RNF152: variants seen among roughly 807,000 people sequenced by gnomAD.
RNF152 encodes E3 ubiquitin-protein ligase RNF152.
In RNF152, 11 loss-of-function variants were observed where a neutral mutation model predicts 12.7. That is an observed-to-expected ratio of 0.86 (90% confidence interval 0.54 to 1.43). The LOEUF (loss-of-function observed/expected upper bound fraction) is 1.43, where lower values mean the gene tolerates loss of function less well. Ranked by LOEUF, RNF152 falls within the 40% of genes most tolerant of loss-of-function variation. RNF152 has a pLI of 0.00. For synonymous variants in RNF152, 113 were observed against 120.3 expected (o/e 0.94, Z 0.40); for missense variants, 255 against 274.8 (o/e 0.93, Z 0.51).
chr18:61,816,855 T>A (rs964254652), intron 1 of RNF152, among the ~76,000 whole-genome samples: 5 of 152,224 alleles, frequency 3.3e-5, no homozygotes, highest in African/African-American at 1.2e-4. Flanking sequence ...AGACGATGCA[T>A]CTGTATTTCA....
In RNF152 at chr18:61,816,173, A is replaced by T; in HGVS notation, c.291T>A (p.Asn97Lys). ...TGGGCAGGGGCAGCATGTAGCACCC[A>T]TTGCTGGGAAGTTTGATGAAGACCG... is the stretch of plus-strand genomic sequence containing the variant. ...HTPVFIKLPS[N>K]GCYMLPLPIS... The change falls in exon 2 of 2, where the codon AAT becomes AAA. Residue 97 changes from asparagine (N) to lysine (K), a missense_variant. Coordinates refer to ENST00000312828, the MANE Select transcript of RNF152 (RefSeq NM_173557.3). The T allele has an allele frequency of 6.2e-7, 1 of 1,614,186 alleles. No homozygotes were observed. The highest frequency in any genetic ancestry group is 8.5e-7 in the Non-Finnish European group (1 of 1,180,036).
At chr18:61,855,407 C>T (rs1911177367) in intron 1 of RNF152, among the ~76,000 whole-genome samples, 1 of 152,268 alleles carries the variant, frequency 6.6e-6, no homozygotes, top group African/African-American at 2.4e-5. Context: ...GGGGGAGGCG[C>T]AGCCAGGACT....
chr18:61,839,054 CAAA>C (rs35125130), intron 1 of RNF152, among the ~76,000 whole-genome samples: 58 of 127,750 alleles, frequency 4.5e-4, no homozygotes, highest in Admixed American at 1.0e-3. Flanking sequence ...ACTCTGTGGC[CAAA>C]AAAAAAAAAA....
intron 1 of RNF152, among the ~76,000 whole-genome samples, chr18:61,839,355 C>T (rs146054252): frequency 1.3e-5 from 2 of 152,272 alleles, no homozygotes; most frequent in East Asian, 1.9e-4. Context: ...ACTTTCATAA[C>T]GTTCACAGTT....
intron 1 of RNF152, among the ~76,000 whole-genome samples, chr18:61,842,533 T>C (rs1262985659): frequency 1.3e-5 from 2 of 152,232 alleles, no homozygotes; most frequent in Non-Finnish European, 2.9e-5. Flanking sequence ...GACTCTTCTC[T>C]GGCCTCTCTC....
chr18:61,810,888 C>T lies in RNF152; in HGVS notation c.*4964G>A, dbSNP rs1433128308. ...AAGTCAGGGATGACAGACTGACTAC[C>T]TGACACTTCTTATGTGGAAACAAAA... is the stretch of plus-strand genomic sequence containing the variant. On this transcript the variant is annotated 3_prime_UTR_variant, in exon 2 of 2. Transcript: ENST00000312828. 6.6e-6 allele frequency: 1 copy of T among 152,128 alleles called. No homozygotes were observed. Among genetic ancestry groups the T allele is most frequent in the Non-Finnish European group, 1.5e-5 (1 of 68,026 alleles). The allele number at this position is 152,128 out of a possible 1,614,324, so 9.4% of individuals were successfully genotyped here.
intron 1 of RNF152, among the ~76,000 whole-genome samples, chr18:61,839,627 G>T (rs540865087): frequency 6.6e-6 from 1 of 152,150 alleles, no homozygotes; most frequent in Non-Finnish European, 1.5e-5. Flanking sequence ...TGGGCACGGT[G>T]GCTCACCCCT....
intron 1 of RNF152, among the ~76,000 whole-genome samples, chr18:61,843,587 A>G (rs1261584975): frequency 6.6e-6 from 1 of 152,170 alleles, no homozygotes; most frequent in Non-Finnish European, 1.5e-5. Flanking sequence ...AAAGCAAAAT[A>G]TGGTATGGCC....
chr18:61,880,525 G>A (rs781406366), intron 1 of RNF152, among the ~76,000 whole-genome samples: 7 of 152,050 alleles, frequency 4.6e-5, no homozygotes, highest in Non-Finnish European at 1.0e-4. Flanking sequence ...CCCAGATAAC[G>A]TGATTAAAGC....
At position 61,809,419 on chromosome 18, in the gene RNF152, C is replaced by T. The variant is rs988197697; in HGVS notation, c.*6433G>A. Reference sequence around the variant, plus strand: ...CCTTCTGCTTACAGCCCATGCTCTTCCACCACTATTATATCCAACTGTCTA... The same window carrying T: ...CCTTCTGCTTACAGCCCATGCTCTTTCACCACTATTATATCCAACTGTCTA... On this transcript the variant is annotated 3_prime_UTR_variant, in exon 2 of 2. Transcript: ENST00000312828. The T allele has an allele frequency of 3.3e-5, 5 of 152,192 alleles. No individual in the cohort carries two copies. The highest frequency in any genetic ancestry group is 1.2e-4 in the African/African-American group (5 of 41,458). The allele number at this position is 152,192 out of a possible 1,614,324, so 9.4% of individuals were successfully genotyped here.
chr18:61,887,294 G>C (rs1912743740), intron 1 of RNF152, among the ~76,000 whole-genome samples: 1 of 152,218 alleles, frequency 6.6e-6, no homozygotes, highest in South Asian at 2.1e-4. Context: ...AAACTGGAGT[G>C]GGGTGGGAAA....
intron 1 of RNF152, among the ~76,000 whole-genome samples, chr18:61,844,964 C>T (rs1910684005): frequency 6.6e-6 from 1 of 152,126 alleles, no homozygotes; most frequent in Admixed American, 6.5e-5. Flanking sequence ...CATTTTATTC[C>T]TTCCATTCCT....
intron 1 of RNF152, among the ~76,000 whole-genome samples, chr18:61,892,133 C>A (rs1485728597): frequency 1.3e-5 from 2 of 152,134 alleles, no homozygotes; most frequent in African/African-American, 4.8e-5. Context: ...TTTGGAAAAG[C>A]CCCAATAACC....
At chr18:61,882,134 A>G (rs906496015) in intron 1 of RNF152, among the ~76,000 whole-genome samples, 1 of 152,178 alleles carries the variant, frequency 6.6e-6, no homozygotes, top group African/African-American at 2.4e-5. Context: ...TGGATTTTGG[A>G]TTTTCAGATG....
At chr18:61,844,086 G>GAAAGAAAGAAAGAAAGAA (rs1407185038) in intron 1 of RNF152, among the ~76,000 whole-genome samples, 2 of 63,830 alleles carry the variant, frequency 3.1e-5, no homozygotes, top group African/African-American at 5.3e-5. Context: ...AGGAAAGAAA[G>GAAAGAAAGAAAGAAAGAA]AAAGAAAGAA....
intron 1 of RNF152, among the ~76,000 whole-genome samples, chr18:61,847,102 T>C (rs867407408): frequency 2.0e-5 from 3 of 152,224 alleles, no homozygotes; most frequent in African/African-American, 7.2e-5. Flanking sequence ...CCCCCATACT[T>C]AGTCTCACCT....
In RNF152 at chr18:61,840,338, C is replaced by T. The variant is rs1599283911; in HGVS notation, c.-135-23740G>A. On this transcript the variant is annotated intron_variant, in intron 1 of 1. Coordinates refer to ENST00000312828, the MANE Select transcript of RNF152 (RefSeq NM_173557.3). ...ATGGACCACAGTGTCCAAAGTCTTGCTCTCACGAAGTAGGCAAGCCTCAAC... is the reference window on the plus strand; with the variant it reads ...ATGGACCACAGTGTCCAAAGTCTTGTTCTCACGAAGTAGGCAAGCCTCAAC... Among the ~76,000 whole-genome samples, 7 of 152,320 alleles carry T rather than the reference C, an allele frequency of 4.6e-5. 1 individual carries two copies. Among genetic ancestry groups the T allele is most frequent in the Admixed American group, 4.6e-4 (7 of 15,304 alleles).
At chr18:61,818,655 A>C (rs937895931) in intron 1 of RNF152, among the ~76,000 whole-genome samples, 9 of 152,250 alleles carry the variant, frequency 5.9e-5, no homozygotes, top group Non-Finnish European at 1.2e-4. Flanking sequence ...TATTTATGGA[A>C]TATCTATTAT....
intron 1 of RNF152, among the ~76,000 whole-genome samples, chr18:61,872,320 A>G (rs1912030892): frequency 1.3e-5 from 2 of 152,182 alleles, no homozygotes; most frequent in South Asian, 2.1e-4. Context: ...TTGGGTGGGG[A>G]CATAGATCCA....
Sources: gnomAD v4.1 joint callset for allele counts (sites outside exome capture counted in the v4.1 genomes callset) on GRCh38, gnomAD v4.1.1 for gene constraint, MANE v1.5 for transcripts, NCBI Gene and HGNC (gene_info 2026-07-23, HGNC 2026-07-21) for gene names.